PTCHD4: variants seen among roughly 807,000 people sequenced by gnomAD.
PTCHD4 encodes the protein patched domain-containing protein 4.
PTCHD4 carries 33 observed loss-of-function variants against 58.1 expected under a neutral mutation model. The observed-to-expected ratio is 0.57, with a 90% CI of 0.43 to 0.76. The LOEUF (loss-of-function observed/expected upper bound fraction) is 0.76. Among genes scored for constraint, PTCHD4 ranks in the 30% least tolerant of loss-of-function variants. PTCHD4 has a pLI of 0.00. For synonymous variants in PTCHD4, 478 were observed against 409.6 expected, an observed-to-expected ratio of 1.17 and a Z score of -2.02; for missense variants, 1,058 against 1,027.1, an observed-to-expected ratio of 1.03 and a Z score of -0.41.
At chr6:48,042,028 A>G (rs951961697) in intron 3 of PTCHD4, among the ~76,000 whole-genome samples, 3 of 152,086 alleles carry the variant, frequency 2.0e-5, no homozygotes, top group Admixed American at 1.3e-4. Context: ...ACTCAAGGTC[A>G]TAACTGCAGA....
At chr6:48,106,652 A>C (rs1765731482) in intron 1 of PTCHD4, among the ~76,000 whole-genome samples, 1 of 152,216 alleles carries the variant, frequency 6.6e-6, no homozygotes, top group African/African-American at 2.4e-5. Context: ...GGAAAAGAGG[A>C]AGTCAAATTG....
At chr6:47,968,244 G>A (rs1482049297) in intron 4 of PTCHD4, among the ~76,000 whole-genome samples, 3 of 152,066 alleles carry the variant, frequency 2.0e-5, no homozygotes, top group Non-Finnish European at 4.4e-5. Context: ...GCTGGTCAAT[G>A]GGGCAGTCAG....
intron 1 of PTCHD4, among the ~76,000 whole-genome samples, chr6:48,108,666 G>C (rs888830699): frequency 2.0e-4 from 30 of 151,804 alleles, no homozygotes; most frequent in Non-Finnish European, 1.6e-4. Flanking sequence ...CCTCCAAGTT[G>C]ATTCTGGGAG....
intron 3 of PTCHD4, among the ~76,000 whole-genome samples, chr6:48,018,662 T>G (rs992684549): frequency 6.6e-6 from 1 of 152,248 alleles, no homozygotes; most frequent in African/African-American, 2.4e-5. Context: ...TATCCCCAGA[T>G]GTCTACCAGT....
At chr6:47,979,848 A>C (rs1379668063) in intron 4 of PTCHD4, among the ~76,000 whole-genome samples, 2 of 152,098 alleles carry the variant, frequency 1.3e-5, no homozygotes, top group African/African-American at 2.4e-5. Flanking sequence ...GCAAGTTCAT[A>C]AAATTGACCA....
rs752014981 is a variant in PTCHD4, at chr6:47,879,305, G to A, written c.1530C>T (p.Ser510=). The A allele has an allele frequency of 1.5e-5, 24 of 1,612,638 alleles. No homozygotes were observed. The highest frequency in any genetic ancestry group is 3.3e-4 in the Middle Eastern group (2 of 6,082). Residue 510 remains serine, a synonymous_variant, in exon 5 of 5, where the codon AGC becomes AGT. Transcript: ENST00000339488. ...AGAATCCTATCACAGGGCTATAGTT[G>A]CTGAAATATTTCTGCTGAACCATGG... ...SYAMVQQKYF[S]NYSPVIGFYV...
intron 4 of PTCHD4, among the ~76,000 whole-genome samples, chr6:47,949,749 T>A (rs1418753766): frequency 6.6e-6 from 1 of 152,204 alleles, no homozygotes; most frequent in East Asian, 1.9e-4. Context: ...CTTGGGGTAA[T>A]GATCTATAAG....
intron 3 of PTCHD4, among the ~76,000 whole-genome samples, chr6:48,024,623 T>A (rs1410487794): frequency 6.6e-6 from 1 of 152,130 alleles, no homozygotes; most frequent in Non-Finnish European, 1.5e-5. Flanking sequence ...TATGATCCCT[T>A]GGGACTTAGA....
intron 3 of PTCHD4, among the ~76,000 whole-genome samples, chr6:48,021,146 T>C (rs1412802179): frequency 6.6e-6 from 1 of 152,162 alleles, no homozygotes; most frequent in African/African-American, 2.4e-5. Flanking sequence ...GTATAAAATC[T>C]ATATTTTCTT....
At chr6:48,065,606 A>C (rs181068242) in intron 3 of PTCHD4, among the ~76,000 whole-genome samples, 2 of 152,270 alleles carry the variant, frequency 1.3e-5, no homozygotes, top group East Asian at 3.9e-4. Flanking sequence ...TGATCCTGGG[A>C]GCCCCTGGAG....
Position 47,879,698 on chromosome 6 carries a change from A to T in PTCHD4, c.1137T>A (p.Ile379=). Residue 379 remains isoleucine (I), a synonymous_variant, in exon 5 of 5, where the codon ATT becomes ATA. Transcript: ENST00000339488. ...CVSILLNYFY[I]FSFFGSCLVF... ...CCAGACAGGAGCCAAAGAAGGAGAAAATGTAGAAGTAGTTCAACAGAATAG... is the reference window on the plus strand; with the variant it reads ...CCAGACAGGAGCCAAAGAAGGAGAATATGTAGAAGTAGTTCAACAGAATAG... 2.5e-6 allele frequency: 4 copies of T among 1,613,642 alleles called. No homozygotes were observed. Among genetic ancestry groups the T allele is most frequent in the South Asian group, 2.2e-5 (2 of 91,074 alleles).
intron 1 of PTCHD4, among the ~76,000 whole-genome samples, chr6:48,094,714 G>T (rs1358840058): frequency 4.6e-5 from 7 of 152,174 alleles, no homozygotes; most frequent in Non-Finnish European, 8.8e-5. Context: ...ATAAGGAAGA[G>T]TTGGGGTAAC....
intron 4 of PTCHD4, among the ~76,000 whole-genome samples, chr6:47,951,265 A>G (rs1442138336): frequency 2.6e-5 from 4 of 152,196 alleles, no homozygotes; most frequent in African/African-American, 9.6e-5. Context: ...CTTCAGGGTT[A>G]GTATATAGGG....
chr6:47,932,202 G>C (rs1170123087), intron 4 of PTCHD4, among the ~76,000 whole-genome samples: 2 of 152,292 alleles, frequency 1.3e-5, no homozygotes, highest in East Asian at 1.9e-4. Flanking sequence ...TCACTATCCA[G>C]GAGACTGCAC....
chr6:47,891,543 G>A lies in PTCHD4; in HGVS notation c.899-11607C>T, dbSNP rs965930153. ...TAATTGGCCCTCCTTTACCAATCACGGCTTACCCTTACTCTAGTATTTTCT... is the reference window on the plus strand; with the variant it reads ...TAATTGGCCCTCCTTTACCAATCACAGCTTACCCTTACTCTAGTATTTTCT... On this transcript the variant is annotated intron_variant, in intron 4 of 4. Coordinates refer to ENST00000339488, the MANE Select transcript of PTCHD4 (RefSeq NM_001384253.1). Among the ~76,000 whole-genome samples, 9 of 151,916 alleles carry A rather than the reference G, an allele frequency of 5.9e-5. 1 individual carries two copies. The highest frequency in any genetic ancestry group is 5.8e-4 in the East Asian group (3 of 5,190).
chr6:47,917,605 T>A (rs1391024363), intron 4 of PTCHD4, among the ~76,000 whole-genome samples: 2 of 152,166 alleles, frequency 1.3e-5, no homozygotes, highest in African/African-American at 4.8e-5. Flanking sequence ...GCATATACTT[T>A]TATAAATTTC....
intron 4 of PTCHD4, among the ~76,000 whole-genome samples, chr6:47,899,027 TAGA>T (rs1299784794): frequency 9.2e-5 from 14 of 152,180 alleles, no homozygotes; most frequent in Admixed American, 9.2e-4. Flanking sequence ...GGGAGAAGAC[TAGA>T]AGTATCCATA....
intron 3 of PTCHD4, among the ~76,000 whole-genome samples, chr6:48,058,184 G>A (rs1193050630): frequency 6.6e-6 from 1 of 152,172 alleles, no homozygotes; most frequent in African/African-American, 2.4e-5. Flanking sequence ...TCTACACTCA[G>A]CCAAGACTGA....
chr6:48,030,428 A>G lies in PTCHD4; in HGVS notation c.418-21314T>C, dbSNP rs1763393743. The stretch of plus-strand genomic sequence containing the variant: ...TACTTTTCTTGAATATCTGGCTACA[A>G]CTCTTGAAACTAACATTCTAATTTT... On this transcript the variant is annotated intron_variant, in intron 3 of 4. Transcript: ENST00000339488. 2.6e-5 allele frequency among the ~76,000 whole-genome samples: 4 copies of G among 152,182 alleles called. 1 individual carries two copies. In the South Asian group the frequency reaches 8.3e-4, roughly 32 times the overall value.
Sources: gnomAD v4.1 joint callset for allele counts (sites outside exome capture counted in the v4.1 genomes callset) on GRCh38, gnomAD v4.1.1 for gene constraint, MANE v1.5 for transcripts, NCBI Gene and HGNC (gene_info 2026-07-23, HGNC 2026-07-21) for gene names.